Variants in ZSCAN32 observed in about 807,000 individuals in gnomAD.
The protein encoded by ZSCAN32 is zinc finger and SCAN domain-containing protein 32.
In ZSCAN32, 52 loss-of-function variants were observed where a neutral mutation model predicts 47.4. That is an observed-to-expected ratio of 1.10 (90% CI 0.88 to 1.38). ZSCAN32 has a LOEUF of 1.38. Among genes scored for constraint, ZSCAN32 ranks in the 40% most tolerant of loss-of-function variants. The probability of loss-of-function intolerance (pLI) is 0.00; values close to 1 mark genes in which losing one functional copy is unlikely to be tolerated. For missense variants in ZSCAN32, 959 were observed against 846.0 expected, an observed-to-expected ratio of 1.13 and a Z score of -1.66; for synonymous variants, 346 against 305.7, an observed-to-expected ratio of 1.13 and a Z score of -1.38.
At chr16:3,383,811 G>T in intron 6 of ZSCAN32, 100 bp from the exon 7 acceptor site, 2 of 1,229,726 alleles carry the variant, frequency 1.6e-6, no homozygotes, top group Non-Finnish European at 2.2e-6. Context: ...ATATCTAATT[G>T]AAATTCTTCA....
In ZSCAN32 at chr16:3,397,992, G is replaced by A. The variant is rs143080366; in HGVS notation, c.-187-248C>T. Among the ~76,000 whole-genome samples, 41 of 152,314 alleles carry A rather than the reference G, an allele frequency of 2.7e-4. No individual in the cohort carries two copies. In the East Asian group the frequency reaches 4.8e-3, roughly 18 times the overall value. On this transcript the variant is annotated intron_variant, in intron 1 of 6. Coordinates refer to ENST00000396852, the MANE Select transcript of ZSCAN32 (RefSeq NM_001284527.2). ...TCTTGCTTTTAACCTCCAAACTGCC[G>A]TTGGTCATTCCTGGGTGTGGGCCAA... is the stretch of plus-strand genomic sequence containing the variant.
Position 3,383,654 on chromosome 16 carries a change from TC to T in ZSCAN32, c.1291del (p.Glu431LysfsTer2). Reference sequence around the variant, plus strand: ...CTGTAAAGCCTTGTTTATTTCTACTTCCTCTGAATCATCCCATTTTAGATTT... The same window carrying T: ...CTGTAAAGCCTTGTTTATTTCTACTTCTCTGAATCATCCCATTTTAGATTT... ...KENLKWDDSE[E>X]VEINKALQRK... is the part of the protein sequence containing the mutation. On this transcript the variant is annotated frameshift_variant, in exon 7 of 7. Transcript: ENST00000396852. LOFTEE classifies it low-confidence loss of function (END_TRUNC). 1.9e-6 allele frequency: 3 copies of T among 1,609,688 alleles called. No homozygotes were observed. The highest frequency in any genetic ancestry group is 2.5e-6 in the Non-Finnish European group (3 of 1,179,382).
In ZSCAN32 at chr16:3,384,724, G is replaced by C. The variant is rs34097514; in HGVS notation, c.969C>G (p.Gly323=). Residue 323 remains glycine (G), a synonymous_variant, in exon 6 of 7, where the codon GGC becomes GGG. Coordinates refer to ENST00000396852, the MANE Select transcript of ZSCAN32 (RefSeq NM_001284527.2). ...AAAAGATACAAGGCTCAGGCACACGGCCTCTCCTCACTTTGCGGTAACTCA... is the reference window on the plus strand; with the variant it reads ...AAAAGATACAAGGCTCAGGCACACGCCCTCTCCTCACTTTGCGGTAACTCA... ...LQLSYRKVRR[G]RVPEPCIFYE... 1 of 1,614,050 alleles carries C rather than the reference G, an allele frequency of 6.2e-7. No homozygotes were observed. The highest frequency in any genetic ancestry group is 8.5e-7 in the Non-Finnish European group (1 of 1,180,042).
Position 3,383,828 on chromosome 16 carries a change from T to C in ZSCAN32, c.1235-117A>G, listed in dbSNP as rs998586111. 9 of 1,081,336 alleles carry C rather than the reference T, an allele frequency of 8.3e-6. No individual in the cohort carries two copies. The African/African-American group carries it at 1.3e-4, about 15-fold the overall frequency. The allele number at this position is 1,081,336 out of a possible 1,614,324, so 67.0% of individuals were successfully genotyped here. A position where few individuals can be genotyped will look rare whatever the true frequency, so the allele number is the denominator to read the frequency against. On this transcript the variant is annotated intron_variant, in intron 6 of 6. Transcript: ENST00000396852. ...ATCTAATTGAAATTCTTCATGTGAT[T>C]AAGTCTCCTGCTAATTAATAGCTTT...
At chr16:3,391,296 A>G (rs2032664691) in intron 3 of ZSCAN32, among the ~76,000 whole-genome samples, 1 of 152,220 alleles carries the variant, frequency 6.6e-6, no homozygotes, top group South Asian at 2.1e-4. Flanking sequence ...CACAGAGAAC[A>G]CAGGTGTTCC....
chr16:3,388,411 A>C (rs1167950839), intron 5 of ZSCAN32, among the ~76,000 whole-genome samples: 2 of 151,806 alleles, frequency 1.3e-5, no homozygotes, highest in Admixed American at 1.3e-4. Flanking sequence ...CTGCAAACCA[A>C]CCTCTGCCCT....
Position 3,382,742 on chromosome 16 carries a change from G to A in ZSCAN32, c.*110C>T. On this transcript the variant is annotated 3_prime_UTR_variant, in exon 7 of 7. Coordinates refer to ENST00000396852, the MANE Select transcript of ZSCAN32 (RefSeq NM_001284527.2). ...TCCTAGACATGGGTCTTAAGATCCAGTAGTCAGTAGGTCTGTTGCAAAGTC... is the reference window on the plus strand; with the variant it reads ...TCCTAGACATGGGTCTTAAGATCCAATAGTCAGTAGGTCTGTTGCAAAGTC... 1 of 1,481,098 alleles carries A rather than the reference G, an allele frequency of 6.8e-7. No homozygotes were observed. The highest frequency in any genetic ancestry group is 9.0e-7 in the Non-Finnish European group (1 of 1,113,742). 91.7% of individuals were successfully genotyped at this position (1,481,098 alleles called of 1,614,324 possible).
Position 3,393,655 on chromosome 16 carries a change from A to C in ZSCAN32, c.526T>G (p.Ser176Ala). 1.3e-6 allele frequency: 2 copies of C among 1,546,280 alleles called. No homozygotes were observed. The highest frequency in any genetic ancestry group is 1.7e-6 in the Non-Finnish European group (2 of 1,144,884). ...GACAGAGGCTTCTGCTTACCTTCTGACTGTTCCCCTGGTCTTTGGTGTGAG... is the reference window on the plus strand; with the variant it reads ...GACAGAGGCTTCTGCTTACCTTCTGCCTGTTCCCCTGGTCTTTGGTGTGAG... The part of the protein sequence containing the change: ...QSSHQRPGEQ[S>A]EAWLAPQAPR... Residue 176 changes from serine (S) to alanine (A), a missense_variant, in exon 3 of 7, where the codon TCA becomes GCA. Transcript: ENST00000396852.
chr16:3,384,607 C>T lies in ZSCAN32; in HGVS notation c.1086G>A (p.Glu362=), dbSNP rs755505139. The change falls in exon 6 of 7, where the codon GAG becomes GAA. Residue 362 remains glutamate, a synonymous_variant. Coordinates refer to ENST00000396852, the MANE Select transcript of ZSCAN32 (RefSeq NM_001284527.2). ...CATTCTGGTGATTCAGCTCTCCAGC[C>T]TCAATATCACTTCCTTCTTGGCCAG... ...AVPGQEGSDI[E]AGELNHQNGE... 2.5e-6 allele frequency: 4 copies of T among 1,614,076 alleles called. No homozygotes were observed. The highest frequency in any genetic ancestry group is 2.2e-5 in the South Asian group (2 of 91,090).
intron 2 of ZSCAN32, among the ~76,000 whole-genome samples, 156 bp downstream of exon 2, chr16:3,397,036 C>T (rs1476235169): frequency 6.6e-6 from 1 of 152,100 alleles, no homozygotes; most frequent in Admixed American, 6.6e-5. Context: ...AAATTCTTCC[C>T]GTATTATAAG....
At chr16:3,383,927 C>G (rs971178297) in intron 6 of ZSCAN32, 10 of 568,758 alleles carry the variant, frequency 1.8e-5, no homozygotes, top group Middle Eastern at 5.4e-4. Context: ...CAACTTTTCT[C>G]CTATCTTTTT....
At chr16:3,389,314 T>C (rs980613062) in intron 5 of ZSCAN32, among the ~76,000 whole-genome samples, 2 of 152,164 alleles carry the variant, frequency 1.3e-5, no homozygotes, top group African/African-American at 4.8e-5. Flanking sequence ...AGGGCCTGTG[T>C]TCACAGCCTT....
intron 2 of ZSCAN32, among the ~76,000 whole-genome samples, chr16:3,395,622 C>CAAA (rs1208847502): frequency 6.6e-6 from 1 of 152,156 alleles, no homozygotes; most frequent in African/African-American, 2.4e-5. Flanking sequence ...CGGGTATGTC[C>CAAA]TTATAGCAGT....
chr16:3,384,824 ATGGCCCTGTAGATC>A lies in ZSCAN32; in HGVS notation c.855_868del (p.Gln285HisfsTer38). 1 of 1,614,194 alleles carries A rather than the reference ATGGCCCTGTAGATC, an allele frequency of 6.2e-7. No individual in the cohort carries two copies. The highest frequency in any genetic ancestry group is 8.5e-7 in the Non-Finnish European group (1 of 1,180,022). Reference sequence around the variant, plus strand: ...ACCCTGCTCCCAGAGTCCTTCCGCCATGGCCCTGTAGATCTGGCTGTTCTGCTGACAGGTCTGGA... The same window carrying A: ...ACCCTGCTCCCAGAGTCCTTCCGCCATGGCTGTTCTGCTGACAGGTCTGGA... On this transcript the variant is annotated frameshift_variant, in exon 6 of 7. Transcript: ENST00000396852. LOFTEE classifies it high-confidence loss of function.
chr16:3,384,632 G>A lies in ZSCAN32; in HGVS notation c.1061C>T (p.Pro354Leu), dbSNP rs149193108. 4 of 1,614,170 alleles carry A rather than the reference G, an allele frequency of 2.5e-6. No homozygotes were observed. Among genetic ancestry groups the A allele is most frequent in the Middle Eastern group, 1.6e-4 (1 of 6,062 alleles). Residue 354 changes from proline (P) to leucine (L), a missense_variant, in exon 6 of 7, where the codon CCT (proline) becomes CTT (leucine). Transcript: ENST00000396852. The stretch of plus-strand genomic sequence containing the variant: ...CTCAATATCACTTCCTTCTTGGCCA[G>A]GAACAGCATCGCTTGCCATAGGAGG... ...SAPPMASDAVPGQEGSDIEAG... is the reference protein window; with the variant it reads ...SAPPMASDAVLGQEGSDIEAG...
chr16:3,383,013 T>C lies in ZSCAN32; in HGVS notation c.1933A>G (p.Ser645Gly). Residue 645 changes from serine to glycine, a missense_variant, in exon 7 of 7, where the codon AGC (serine) becomes GGC (glycine). Transcript: ENST00000396852. ...TTTCGGTGGGCACTGAAGTGGGAGC[T>C]ATTGTTGAAGATTTTCCCACACACT... ...CAVCGKIFNN[S>G]SHFSAHRKTH... The C allele has an allele frequency of 1.2e-6, 2 of 1,613,972 alleles. No individual in the cohort carries two copies. The highest frequency in any genetic ancestry group is 1.7e-6 in the Non-Finnish European group (2 of 1,179,950).
chr16:3,399,489 G>A (rs1036150449), intron 1 of ZSCAN32, among the ~76,000 whole-genome samples: 3 of 152,308 alleles, frequency 2.0e-5, no homozygotes, highest in Admixed American at 2.0e-4. Flanking sequence ...ATATACTCAA[G>A]TCTTGACAAC....
chr16:3,397,840 A>C, intron 1 of ZSCAN32, 96 bp from the exon 2 acceptor site: 13 of 254,446 alleles, frequency 5.1e-5, no homozygotes, highest in South Asian at 9.8e-5. Flanking sequence ...TACTCCCTCC[A>C]CAAATCTACA....
chr16:3,398,245 A>C (rs1039679201), intron 1 of ZSCAN32, among the ~76,000 whole-genome samples: 18 of 152,188 alleles, frequency 1.2e-4, no homozygotes, highest in Non-Finnish European at 2.5e-4. Context: ...GCCTTTTGAG[A>C]TGCCTTTTCA....
Sources: gnomAD v4.1 joint callset for allele counts (sites outside exome capture counted in the v4.1 genomes callset) on GRCh38, gnomAD v4.1.1 for gene constraint, MANE v1.5 for transcripts, NCBI Gene and HGNC (gene_info 2026-07-23, HGNC 2026-07-21) for gene names.